The following VPS4A variants were observed in gnomAD, a reference collection of about 807,000 sequenced individuals.
VPS4A encodes the protein vacuolar protein sorting 4 homolog A, also known as vacuolar protein sorting-associated protein 4A.
In VPS4A, 20 loss-of-function variants were observed where a neutral mutation model predicts 52.3. That is an observed-to-expected ratio of 0.38 (90% CI 0.27 to 0.56). VPS4A has a LOEUF of 0.56. VPS4A is among the 20% of genes least tolerant of loss of function. VPS4A has a pLI of 0.72. For missense variants in VPS4A, 419 were observed against 575.9 expected (o/e 0.73, Z 2.79); for synonymous variants, 293 against 227.7 (o/e 1.29, Z -2.58).
In VPS4A at chr16:69,318,919, T is replaced by C. The variant is rs762002494; in HGVS notation, c.440T>C (p.Ile147Thr). ...EALKEAVILP[I>T]KFPHLFTGKR... Reference sequence around the variant, plus strand: ...CTCAAAGAAGCTGTCATTTTGCCAATCAAATTCCCACACTTGTTCACAGGT... The same window carrying C: ...CTCAAAGAAGCTGTCATTTTGCCAACCAAATTCCCACACTTGTTCACAGGT... The change falls in exon 5 of 11, where the codon ATC becomes ACC. Residue 147 changes from isoleucine (I) to threonine (T), a missense_variant. By Grantham distance (89) the Ile-to-Thr change is moderately conservative. Coordinates refer to ENST00000254950, the MANE Select transcript of VPS4A (RefSeq NM_013245.3). The C allele has an allele frequency of 1.9e-6, 3 of 1,613,542 alleles. No individual in the cohort carries two copies. The highest frequency in any genetic ancestry group is 2.5e-6 in the Non-Finnish European group (3 of 1,179,780).
intron 5 of VPS4A, 95 bp downstream of exon 5, chr16:69,319,037 C>A (rs1965475639): frequency 2.6e-6 from 4 of 1,533,738 alleles, no homozygotes; most frequent in Non-Finnish European, 3.5e-6. Context: ...GCGACTCAGC[C>A]CCCGGGGCCT....
In VPS4A at chr16:69,318,728, C is replaced by G. The variant is rs1265752004; in HGVS notation, c.343+17C>G. On this transcript the variant is annotated intron_variant, in intron 4 of 10. Transcript: ENST00000254950. ...AGCTGATGGGTAAGTGGCTCGCGGCCCTGTGGCAGCGGCAGGGGATGAGAG... is the reference window on the plus strand; with the variant it reads ...AGCTGATGGGTAAGTGGCTCGCGGCGCTGTGGCAGCGGCAGGGGATGAGAG... 6.2e-7 allele frequency: 1 copy of G among 1,613,446 alleles called. No individual in the cohort carries two copies. The highest frequency in any genetic ancestry group is 2.2e-5 in the East Asian group (1 of 44,844).
chr16:69,320,498 A>G lies in VPS4A; in HGVS notation c.770-190A>G, dbSNP rs530189936. 2.5e-6 allele frequency: 2 copies of G among 805,490 alleles called. No individual in the cohort carries two copies. The highest frequency in any genetic ancestry group is 1.9e-6 in the Non-Finnish European group (1 of 515,764). 49.9% of individuals were successfully genotyped at this position (805,490 alleles called of 1,614,324 possible). ...CCACTCCACCCCTCCCATGGCAGGCAGTGCCATAGGTCTCACCTGGCACAG... is the reference window on the plus strand; with the variant it reads ...CCACTCCACCCCTCCCATGGCAGGCGGTGCCATAGGTCTCACCTGGCACAG... On this transcript the variant is annotated intron_variant, in intron 7 of 10. Coordinates refer to ENST00000254950, the MANE Select transcript of VPS4A (RefSeq NM_013245.3). The surrounding 1 kb of genome is among the most constrained non-coding windows in gnomAD (Gnocchi z 4.2).
intron 5 of VPS4A, 93 bp downstream of exon 5, chr16:69,319,035 GC>G: frequency 1.3e-6 from 2 of 1,534,062 alleles, no homozygotes; most frequent in Non-Finnish European, 1.7e-6. Context: ...TGGCGACTCA[GC>G]CCCCGGGGCC....
intron 1 of VPS4A, 78 bp downstream of exon 1, chr16:69,311,610 G>A (rs932537360): frequency 5.8e-5 from 71 of 1,214,810 alleles, no homozygotes; most frequent in Non-Finnish European, 6.9e-5. Flanking sequence ...GCGGCGGGCG[G>A]GTGGTCAGGT....
In VPS4A at chr16:69,321,634, C is replaced by A. The variant is rs113052179; in HGVS notation, c.1071+364C>A. On this transcript the variant is annotated intron_variant, in intron 9 of 10. Coordinates refer to ENST00000254950, the MANE Select transcript of VPS4A (RefSeq NM_013245.3). This position sits in a 1 kb window ranked among gnomAD's most constrained non-coding sequence, Gnocchi z 4.5. ...AGACCTGTCTATTCATTCAGCAGAT[C>A]TCTGCTGAGTATTTGCTGTGGGTCC... 2.3e-3 allele frequency: 659 copies of A among 289,010 alleles called. 6 individuals are homozygous for A. Among genetic ancestry groups the A allele is most frequent in the African/African-American group, 0.011 (527 of 46,288 alleles). The allele number at this position is 289,010 out of a possible 1,614,324, so 17.9% of individuals were successfully genotyped here.
Position 69,324,069 on chromosome 16 carries a change from T to G in VPS4A, c.1213-139T>G, listed in dbSNP as rs563713518. On this transcript the variant is annotated intron_variant, in intron 10 of 10. Coordinates refer to ENST00000254950, the MANE Select transcript of VPS4A (RefSeq NM_013245.3). ...TCGAGAGGGAAGAGGGTCCCTGCCA[T>G]AGGCAGATTCAAGCAGGCCTCTGGG... The G allele has an allele frequency of 5.7e-4, 415 of 724,930 alleles. 4 individuals are homozygous for G. The highest frequency in any genetic ancestry group is 1.7e-3 in the South Asian group (99 of 56,854). 44.9% of individuals were successfully genotyped at this position (724,930 alleles called of 1,614,324 possible). A position where few individuals can be genotyped will look rare whatever the true frequency, so the allele number is the denominator to read the frequency against.
At chr16:69,315,882 T>C (rs11644691) in intron 1 of VPS4A, 126 bp from the exon 2 acceptor site, 226,049 of 745,780 alleles carry the variant, frequency 0.3, 37,069 homozygotes, top group African/African-American at 0.46. Context: ...GCCAATGAAA[T>C]GGCCCGCAAG....
intron 3 of VPS4A, among the ~76,000 whole-genome samples, chr16:69,318,420 GAAGA>G (rs1965465030): frequency 6.6e-6 from 1 of 152,248 alleles, no homozygotes; most frequent in Admixed American, 6.5e-5. Flanking sequence ...TCTGCTCCGC[GAAGA>G]AACAGGGCGG....
rs149730646 is a variant in VPS4A, at chr16:69,317,023, G to A, written c.281+651G>A. On this transcript the variant is annotated intron_variant, in intron 3 of 10. Coordinates refer to ENST00000254950, the MANE Select transcript of VPS4A (RefSeq NM_013245.3). Reference sequence around the variant, plus strand: ...CAAATGCTGGTGGTATCTCGGAGGCGTGGGAGGGGAAGTGAGGGGGTCCCC... The same window carrying A: ...CAAATGCTGGTGGTATCTCGGAGGCATGGGAGGGGAAGTGAGGGGGTCCCC... Among the ~76,000 whole-genome samples, 324 of 152,188 alleles carry A rather than the reference G, an allele frequency of 2.1e-3. 1 individual carries two copies. The highest frequency in any genetic ancestry group is 7.3e-3 in the African/African-American group (304 of 41,532).
rs1338580757 is a variant in VPS4A, at chr16:69,321,940, C to G, written c.1072-620C>G. On this transcript the variant is annotated intron_variant, in intron 9 of 10. Coordinates refer to ENST00000254950, the MANE Select transcript of VPS4A (RefSeq NM_013245.3). The surrounding 1 kb of genome is among the most constrained non-coding windows in gnomAD (Gnocchi z 4.5). ...AAGGCAGCGGACTTCAGTTGGAAAACCACTTTGTGTTAATCTATTTTCATG... is the reference window on the plus strand; with the variant it reads ...AAGGCAGCGGACTTCAGTTGGAAAAGCACTTTGTGTTAATCTATTTTCATG... The G allele has an allele frequency of 6.4e-6, 1 of 156,244 alleles. No homozygotes were observed. The highest frequency in any genetic ancestry group is 1.4e-5 in the Non-Finnish European group (1 of 71,080). The allele number at this position is 156,244 out of a possible 1,614,324, so 9.7% of individuals were successfully genotyped here.
Position 69,319,469 on chromosome 16 carries a change from A to C in VPS4A, c.546A>C (p.Thr182=). The C allele has an allele frequency of 6.2e-7, 1 of 1,614,040 alleles. No homozygotes were observed. Among genetic ancestry groups the C allele is most frequent in the East Asian group, 2.2e-5 (1 of 44,890 alleles). ...CCTACCTGGCCAAAGCCGTGGCAAC[A>C]GAGGCCAACAACTCCACCTTCTTCT... ...GKSYLAKAVA[T]EANNSTFFSV... The change falls in exon 6 of 11, where the codon ACA becomes ACC. Residue 182 remains threonine, a synonymous_variant. Transcript: ENST00000254950.
chr16:69,314,779 GCC>G, intron 1 of VPS4A, among the ~76,000 whole-genome samples: 1 of 152,108 alleles, frequency 6.6e-6, no homozygotes, highest in East Asian at 1.9e-4. Flanking sequence ...CCTGCCAAGA[GCC>G]GGTCAGGAGG....
At chr16:69,319,324 C>G in intron 5 of VPS4A, 63 bp from the exon 6 acceptor site, 1 of 1,594,998 alleles carries the variant, frequency 6.3e-7, no homozygotes, top group Non-Finnish European at 8.5e-7. Context: ...GACTCGAGAC[C>G]CTCTGCTTTT....
At chr16:69,315,558 T>A (rs1965426007) in intron 1 of VPS4A, among the ~76,000 whole-genome samples, 2 of 152,208 alleles carry the variant, frequency 1.3e-5, no homozygotes, top group African/African-American at 4.8e-5. Flanking sequence ...GGACTTTCCT[T>A]CTGGCTGGCT....
Position 69,320,660 on chromosome 16 carries a change from C to G in VPS4A, c.770-28C>G. 6.4e-7 allele frequency: 1 copy of G among 1,574,556 alleles called. No individual in the cohort carries two copies. The highest frequency in any genetic ancestry group is 2.3e-5 in the East Asian group (1 of 43,154). On this transcript the variant is annotated intron_variant, in intron 7 of 10. Transcript: ENST00000254950. This position sits in a 1 kb window ranked among gnomAD's most constrained non-coding sequence, Gnocchi z 4.2. ...ACTGACCCGTGCAGGTGTCCAGAGT[C>G]TGAGTCTTTGTCTCCCTTTCTCCAC...
In VPS4A at chr16:69,321,397, G is replaced by T. The variant is rs991993416; in HGVS notation, c.1071+127G>T. On this transcript the variant is annotated intron_variant, in intron 9 of 10. Coordinates refer to ENST00000254950, the MANE Select transcript of VPS4A (RefSeq NM_013245.3). This position sits in a 1 kb window ranked among gnomAD's most constrained non-coding sequence, Gnocchi z 4.5. ...GACACAGTCTCTGAGGCCTCCTGGA[G>T]AGCCGAGGGCCAGTGCCATGGGGGC... 2.9e-6 allele frequency: 3 copies of T among 1,043,638 alleles called. No homozygotes were observed. In the African/African-American group the frequency reaches 4.8e-5, roughly 17 times the overall value. 64.6% of individuals were successfully genotyped at this position (1,043,638 alleles called of 1,614,324 possible).
rs1340758447 is a variant in VPS4A, at chr16:69,324,303, G to C, written c.1308G>C (p.Glu436Asp). Residue 436 changes from glutamate to aspartate, a missense_variant, in exon 11 of 11, where the codon GAG (glutamate) becomes GAC (aspartate). Physicochemically the swap from Glu to Asp is conservative, Grantham distance 45. Coordinates refer to ENST00000254950, the MANE Select transcript of VPS4A (RefSeq NM_013245.3). ...VKKFSEDFGQ[E>D]S Reference sequence around the variant, plus strand: ...AATTCTCAGAGGACTTTGGGCAAGAGAGTTAAAAGCTGCTTCACTTGGGCA... The same window carrying C: ...AATTCTCAGAGGACTTTGGGCAAGACAGTTAAAAGCTGCTTCACTTGGGCA... The C allele has an allele frequency of 2.5e-6, 4 of 1,613,556 alleles. No individual in the cohort carries two copies. Among genetic ancestry groups the C allele is most frequent in the Admixed American group, 3.3e-5 (2 of 59,968 alleles).
Position 69,324,198 on chromosome 16 carries a change from G to C in VPS4A, c.1213-10G>C. On this transcript the variant is annotated splice_polypyrimidine_tract_variant and intron_variant, in intron 10 of 10. Transcript: ENST00000254950. Reference sequence around the variant, plus strand: ...GGCTCCTGCTCAGGCACATACTGTTGCCTTCACAGTCGGACATGCTGCGGT... The same window carrying C: ...GGCTCCTGCTCAGGCACATACTGTTCCCTTCACAGTCGGACATGCTGCGGT... The C allele has an allele frequency of 6.2e-7, 1 of 1,611,758 alleles. No individual in the cohort carries two copies. The highest frequency in any genetic ancestry group is 1.7e-4 in the Middle Eastern group (1 of 6,058).
Sources: gnomAD v4.1 joint callset for allele counts (sites outside exome capture counted in the v4.1 genomes callset) on GRCh38, gnomAD v4.1.1 for gene constraint, Gnocchi (gnomAD v3.1) non-coding constraint, MANE v1.5 for transcripts, NCBI Gene and HGNC (gene_info 2026-07-23, HGNC 2026-07-21) for gene names.